Variants in ERBB4 observed in about 807,000 individuals in gnomAD.
ERBB4 encodes the protein receptor tyrosine-protein kinase erbB-4.
A neutral mutation model predicts 158.0 loss-of-function variants in ERBB4; 42 were observed. That is an observed-to-expected ratio of 0.27 (90% CI 0.21 to 0.34). The LOEUF (loss-of-function observed/expected upper bound fraction) is 0.34, where lower values mean the gene tolerates loss of function less well. Among genes scored for constraint, ERBB4 ranks in the 10% least tolerant of loss-of-function variants. The pLI, the probability that ERBB4 is intolerant of heterozygous loss-of-function variation, is 1.00. For synonymous variants in ERBB4, 583 were observed against 558.7 expected, an observed-to-expected ratio of 1.04 and a Z score of -0.61; for missense variants, 1,333 against 1,624.1, an observed-to-expected ratio of 0.82 and a Z score of 3.08.
At chr2:212,260,179 T>C (rs1252497277) in intron 1 of ERBB4, among the ~76,000 whole-genome samples, 1 of 152,074 alleles carries the variant, frequency 6.6e-6, no homozygotes, top group Non-Finnish European at 1.5e-5. Context: ...AAAATAAAAT[T>C]TTTACTTGTT....
At chr2:212,353,441 AAT>A (rs1362347317) in intron 1 of ERBB4, among the ~76,000 whole-genome samples, 1 of 149,200 alleles carries the variant, frequency 6.7e-6, no homozygotes, top group Admixed American at 6.7e-5. Flanking sequence ...AAAAGTATAC[AAT>A]ATAAACAAAT....
intron 1 of ERBB4, among the ~76,000 whole-genome samples, chr2:212,522,393 T>G (rs925967236): frequency 4.6e-5 from 7 of 151,958 alleles, no homozygotes; most frequent in Non-Finnish European, 1.0e-4. Flanking sequence ...CAGAAGTTTA[T>G]AACAATTAAG....
intron 1 of ERBB4, among the ~76,000 whole-genome samples, chr2:212,446,616 T>TATATATATATATATATAC: frequency 1.4e-5 from 1 of 73,416 alleles, no homozygotes; most frequent in Non-Finnish European, 3.0e-5. Flanking sequence ...TATATATATA[T>TATATATATATATATATAC]ATATATATAT....
intron 19 of ERBB4, among the ~76,000 whole-genome samples, chr2:211,580,750 A>T (rs2068042824): frequency 7.0e-6 from 1 of 142,316 alleles, no homozygotes; most frequent in Non-Finnish European, 1.5e-5. Flanking sequence ...GAACCAACCC[A>T]AATCCCCATC....
In ERBB4 at chr2:211,988,287, C is replaced by T. The variant is rs746178724; in HGVS notation, c.235-40671G>A. Among the ~76,000 whole-genome samples, 20 of 151,962 alleles carry T rather than the reference C, an allele frequency of 1.3e-4. 1 individual carries two copies. Among genetic ancestry groups the T allele is most frequent in the Non-Finnish European group, 1.9e-4 (13 of 67,954 alleles). On this transcript the variant is annotated intron_variant, in intron 2 of 27. Transcript: ENST00000342788. Reference sequence around the variant, plus strand: ...AGAGTACTTAAGTTCAAGTTCACACCGCTTACTAGTTTTATAATCTTGGGC... The same window carrying T: ...AGAGTACTTAAGTTCAAGTTCACACTGCTTACTAGTTTTATAATCTTGGGC...
At chr2:212,421,323 C>A (rs2091787529) in intron 1 of ERBB4, among the ~76,000 whole-genome samples, 1 of 152,032 alleles carries the variant, frequency 6.6e-6, no homozygotes, top group Non-Finnish European at 1.5e-5. Flanking sequence ...CACATTGTTC[C>A]TTCTGGAAAC....
rs111534427 is a variant in ERBB4 at position 211,572,367 on chromosome 2, G to A, written c.2302-10279C>T. Among the ~76,000 whole-genome samples the A allele has an allele frequency of 1.7e-4, 26 of 152,180 alleles. 1 individual carries two copies. Among genetic ancestry groups the A allele is most frequent in the African/African-American group, 6.3e-4 (26 of 41,508 alleles). ...TATGACGCTAACAATCTGTGACATTGGCCTGTATATTTTTCTTTGTCCCTC... is the reference window on the plus strand; with the variant it reads ...TATGACGCTAACAATCTGTGACATTAGCCTGTATATTTTTCTTTGTCCCTC... On this transcript the variant is annotated intron_variant, in intron 19 of 27. Coordinates refer to ENST00000342788, the MANE Select transcript of ERBB4 (RefSeq NM_005235.3).
At chr2:212,083,276 C>A (rs1231313440) in intron 2 of ERBB4, among the ~76,000 whole-genome samples, 2 of 151,586 alleles carry the variant, frequency 1.3e-5, no homozygotes, top group African/African-American at 2.4e-5. Flanking sequence ...ATCTGTCTTA[C>A]AATATTAATT....
At chr2:212,207,181 G>T (rs2082790094) in intron 1 of ERBB4, among the ~76,000 whole-genome samples, 1 of 151,898 alleles carries the variant, frequency 6.6e-6, no homozygotes, top group Non-Finnish European at 1.5e-5. Context: ...ATCAGTGATG[G>T]TATAAAGAAA....
At chr2:211,701,352 C>T (rs953330993) in intron 12 of ERBB4, among the ~76,000 whole-genome samples, 3 of 152,030 alleles carry the variant, frequency 2.0e-5, no homozygotes, top group Non-Finnish European at 2.9e-5. Context: ...GGGTCGATCT[C>T]CACAAATTGA....
intron 19 of ERBB4, among the ~76,000 whole-genome samples, chr2:211,595,060 A>C (rs2125800890): frequency 6.6e-6 from 1 of 152,330 alleles, no homozygotes; most frequent in Admixed American, 6.5e-5. Flanking sequence ...GGTTTAAGTT[A>C]CACCCTGAGG....
intron 20 of ERBB4, among the ~76,000 whole-genome samples, chr2:211,539,481 T>C (rs1574704129): frequency 1.3e-5 from 2 of 152,140 alleles, no homozygotes; most frequent in East Asian, 3.9e-4. Flanking sequence ...CTTACCTAAG[T>C]ATTCAAAATA....
At chr2:212,109,849 C>A (rs948355657) in intron 2 of ERBB4, among the ~76,000 whole-genome samples, 2 of 152,142 alleles carry the variant, frequency 1.3e-5, no homozygotes, top group African/African-American at 2.4e-5. Flanking sequence ...TTTCTGTAAG[C>A]CATGAGGATA....
chr2:212,083,845 C>T (rs1210897033), intron 2 of ERBB4, among the ~76,000 whole-genome samples: 1 of 150,926 alleles, frequency 6.6e-6, no homozygotes, highest in Non-Finnish European at 1.5e-5. Flanking sequence ...GTATGGTATC[C>T]CAAACAGAAC....
intron 1 of ERBB4, among the ~76,000 whole-genome samples, chr2:212,428,378 A>G (rs1287453594): frequency 6.6e-6 from 1 of 152,050 alleles, no homozygotes; most frequent in Non-Finnish European, 1.5e-5. Context: ...TCCTTGCCTC[A>G]TTGGTTTTTC....
intron 3 of ERBB4, among the ~76,000 whole-genome samples, chr2:211,793,440 C>T (rs762654325): frequency 2.4e-4 from 36 of 151,740 alleles, no homozygotes; most frequent in East Asian, 2.1e-3. Flanking sequence ...TCACAATAGG[C>T]GCATTTAAAT....
At chr2:211,818,742 A>T (rs1047493280) in intron 3 of ERBB4, among the ~76,000 whole-genome samples, 1 of 152,064 alleles carries the variant, frequency 6.6e-6, no homozygotes, top group Non-Finnish European at 1.5e-5. Context: ...AAAACATTGA[A>T]TATGTTTTTA....
At chr2:211,955,493 C>T (rs892646290) in intron 2 of ERBB4, among the ~76,000 whole-genome samples, 3 of 152,074 alleles carry the variant, frequency 2.0e-5, no homozygotes, top group African/African-American at 7.2e-5. Context: ...GTATCATAGA[C>T]TTATTACACT....
chr2:211,945,177 A>G (rs1028474431), intron 3 of ERBB4, among the ~76,000 whole-genome samples: 6 of 152,126 alleles, frequency 3.9e-5, no homozygotes, highest in Non-Finnish European at 5.9e-5. Flanking sequence ...ATTTTGCCAT[A>G]GAGAAAATTT....
Sources: allele counts gnomAD v4.1 joint callset (sites outside exome capture counted in the v4.1 genomes callset), GRCh38; gene constraint gnomAD v4.1.1; transcripts MANE v1.5; gene names NCBI Gene and HGNC (gene_info 2026-07-23, HGNC 2026-07-21).